The following GSTT4 variants were observed in gnomAD, a reference collection of about 807,000 sequenced individuals.
The protein encoded by GSTT4 is glutathione S-transferase theta-4.
chr22:23,997,377 A>T (rs1427582813), downstream of GSTT4, among the ~76,000 whole-genome samples: 1 of 151,962 alleles, frequency 6.6e-6, no homozygotes, highest in Non-Finnish European at 1.5e-5. Flanking sequence ...CCACCACACC[A>T]AGCTAATTTT....
downstream of GSTT4, among the ~76,000 whole-genome samples, chr22:23,995,692 C>G (rs1369087670): frequency 2.6e-5 from 4 of 152,170 alleles, no homozygotes; most frequent in Non-Finnish European, 1.5e-5. Context: ...TGCTGAAGAG[C>G]AGGACTCATT....
At chr22:23,994,255 C>G (rs1157584680), downstream of GSTT4, among the ~76,000 whole-genome samples, 2 of 151,956 alleles carry the variant, frequency 1.3e-5, no homozygotes, top group African/African-American at 4.8e-5. Flanking sequence ...ACCATAATAT[C>G]CACCCTTTCA....
chr22:23,990,934 G>T, the GSTT4 span, among the ~76,000 whole-genome samples: 2 of 101,728 alleles, frequency 2.0e-5, no homozygotes, highest in African/African-American at 6.0e-5. Flanking sequence ...ACTTTGGGAG[G>T]CCAAGGCAAG....
the GSTT4 span, among the ~76,000 whole-genome samples, chr22:23,992,999 CTT>C: frequency 1.3e-5 from 2 of 152,136 alleles, no homozygotes; most frequent in African/African-American, 2.4e-5. Context: ...TCTTGAATTC[CTT>C]GGCTCAAGTG....
At chr22:23,990,217 GAGT>G in the GSTT4 span, among the ~76,000 whole-genome samples, 1 of 150,218 alleles carries the variant, frequency 6.7e-6, no homozygotes, top group Non-Finnish European at 1.5e-5. Flanking sequence ...TAGCCTCTAG[GAGT>G]AGCCCCTTCA....
chr22:23,996,942 G>C (rs1325189996), downstream of GSTT4, among the ~76,000 whole-genome samples: 4 of 152,052 alleles, frequency 2.6e-5, no homozygotes, highest in African/African-American at 9.7e-5. Flanking sequence ...GAATTCACCA[G>C]GGAAGCCATC....
chr22:23,994,306 TG>T (rs2034095888), downstream of GSTT4, among the ~76,000 whole-genome samples: 1 of 151,972 alleles, frequency 6.6e-6, no homozygotes, highest in South Asian at 2.1e-4. Context: ...GCCAATTCAG[TG>T]GTTTTTAGTA....
At chr22:24,004,841 G>T in intron 1 of GSTT4, 1 of 153,504 alleles carries the variant, frequency 6.5e-6, no homozygotes. Context: ...GGACCTCTGG[G>T]GTGATTCCCT....
rs11343686 is a variant in GSTT4, at chr22:23,998,456, G to GT, written c.*85dup. ...AGAACAGTTGTTTTTTTGTTTTTTT[G>GT]TTTTTTTTTTTTTAACATTTCCTTT... On this transcript the variant is annotated 3_prime_UTR_variant, in exon 5 of 5. Transcript: ENST00000621179. 0.19 allele frequency: 26,452 copies of GT among 139,544 alleles called. 3,641 individuals carry two copies. Among genetic ancestry groups the GT allele is most frequent in the African/African-American group, 0.35 (12,067 of 34,808 alleles). The allele number at this position is 139,544 out of a possible 1,614,324, so 8.6% of individuals were successfully genotyped here.
chr22:24,002,662 C>T (rs925171914), intron 2 of GSTT4, among the ~76,000 whole-genome samples: 12 of 140,728 alleles, frequency 8.5e-5, no homozygotes, highest in African/African-American at 2.3e-4. Context: ...AACCCCGTCT[C>T]TACTAAAAAT....
the GSTT4 span, among the ~76,000 whole-genome samples, chr22:23,991,847 G>A: frequency 2.0e-3 from 261 of 129,048 alleles, 2 homozygotes; most frequent in Non-Finnish European, 3.5e-3. Flanking sequence ...GAGGTCAGGA[G>A]ATCGAGACCA....
chr22:24,004,365 C>T (rs999663953), intron 1 of GSTT4: 1 of 152,944 alleles, frequency 6.5e-6, no homozygotes, highest in Non-Finnish European at 1.5e-5. Context: ...GGACCAGCCG[C>T]CTCCAGTTGG....
the GSTT4 span, among the ~76,000 whole-genome samples, chr22:23,989,641 C>T: frequency 6.6e-6 from 1 of 150,832 alleles, no homozygotes; most frequent in East Asian, 2.0e-4. Context: ...TCAGACCAAC[C>T]TCATTCTTGC....
At chr22:24,001,852 G>C (rs934919450) in intron 2 of GSTT4, among the ~76,000 whole-genome samples, 2 of 152,258 alleles carry the variant, frequency 1.3e-5, no homozygotes, top group African/African-American at 4.8e-5. Context: ...TTAGCTAGTT[G>C]TGGTGGCACA....
At chr22:23,999,540 C>T (rs2034181047) in intron 4 of GSTT4, among the ~76,000 whole-genome samples, 1 of 112,286 alleles carries the variant, frequency 8.9e-6, no homozygotes, top group Non-Finnish European at 1.8e-5. Context: ...AGACCCTGGC[C>T]AGTGTCTTGA....
At chr22:24,002,346 GGGAT>G (rs2034249795) in intron 2 of GSTT4, among the ~76,000 whole-genome samples, 1 of 152,284 alleles carries the variant, frequency 6.6e-6, no homozygotes, top group South Asian at 2.1e-4. Flanking sequence ...CAGAGGGAAG[GGGAT>G]GGAGGGGAGA....
downstream of GSTT4, among the ~76,000 whole-genome samples, chr22:23,997,664 C>A (rs2034130622): frequency 6.6e-6 from 1 of 152,106 alleles, no homozygotes; most frequent in Admixed American, 6.5e-5. Context: ...TTTTCTATTT[C>A]ATTTATCTCC....
downstream of GSTT4, among the ~76,000 whole-genome samples, chr22:23,993,605 C>T (rs1359545146): frequency 3.9e-5 from 6 of 152,172 alleles, no homozygotes; most frequent in Non-Finnish European, 7.3e-5. Context: ...TTTTTCTTGC[C>T]TCTTCTCTCT....
chr22:23,993,693 G>A (rs2034089174), downstream of GSTT4, among the ~76,000 whole-genome samples: 1 of 152,098 alleles, frequency 6.6e-6, no homozygotes, highest in Admixed American at 6.5e-5. Context: ...CACTGCCAAA[G>A]GCCTGATTCT....
Sources: gnomAD v4.1 joint callset for allele counts (sites outside exome capture counted in the v4.1 genomes callset) on GRCh38, gnomAD v4.1.1 for gene constraint, MANE v1.5 for transcripts, NCBI Gene and HGNC (gene_info 2026-07-23, HGNC 2026-07-21) for gene names.